Variants in PKD1 observed in about 807,000 individuals in gnomAD.
PKD1 encodes polycystin-1.
PKD1 carries 81 observed loss-of-function variants against 361.7 expected under a neutral mutation model. The observed-to-expected ratio is 0.22, with a 90% confidence interval of 0.19 to 0.27. The LOEUF is 0.27. PKD1 is among the 10% of genes least tolerant of loss of function. The probability of loss-of-function intolerance (pLI) is 1.00; values close to 1 mark genes in which losing one functional copy is unlikely to be tolerated. For missense variants in PKD1, 6,399 were observed against 6,118.3 expected (o/e 1.05, Z -1.53); for synonymous variants, 3,615 against 2,818.3 (o/e 1.28, Z -8.95).
intron 34 of PKD1, chr16:2,096,845 T>C (rs2091868193): frequency 2.1e-6 from 1 of 466,830 alleles, no homozygotes. Flanking sequence ...AACCCGCCCA[T>C]AATTTCTCAC....
At chr16:2,107,494 A>C (rs2151780888) in intron 16 of PKD1, 1 of 377,976 alleles carries the variant, frequency 2.6e-6, no homozygotes, top group East Asian at 6.4e-5. Context: ...AGCAGCCACC[A>C]CGGGCTCAGG....
chr16:2,096,219 G>T (rs954876804), intron 34 of PKD1, among the ~76,000 whole-genome samples: 1 of 152,240 alleles, frequency 6.6e-6, no homozygotes, highest in Non-Finnish European at 1.5e-5. Context: ...CCCAGACACC[G>T]CAGCCCCTGT....
rs1436533246 is a variant in PKD1 at position 2,098,002 on chromosome 16, T to C, written c.10051-18A>G. On this transcript the variant is annotated intron_variant, in intron 30 of 45. Coordinates refer to ENST00000262304, the MANE Select transcript of PKD1 (RefSeq NM_001009944.3). ...CCAGCCACCTGCAGGACGAGGGCAG[T>C]GGTCAGCGGGCGGCAGCTCAGACCT... 6.8e-7 allele frequency: 1 copy of C among 1,469,174 alleles called. No individual in the cohort carries two copies. Among genetic ancestry groups the C allele is most frequent in the East Asian group, 2.3e-5 (1 of 44,208 alleles). 91.0% of individuals were successfully genotyped at this position (1,469,174 alleles called of 1,614,324 possible).
At position 2,103,830 on chromosome 16, in the gene PKD1, A is replaced by C; in HGVS notation, c.8227T>G (p.Ser2743Ala). 20 of 1,606,456 alleles carry C rather than the reference A, an allele frequency of 1.2e-5. No individual in the cohort carries two copies. Among genetic ancestry groups the C allele is most frequent in the Non-Finnish European group, 1.7e-5 (20 of 1,178,214 alleles). The change falls in exon 23 of 46, where the codon TCA becomes GCA. Residue 2743 changes from serine (S) to alanine (A), a missense_variant. Physicochemically the swap from Ser to Ala is moderately conservative, Grantham distance 99. Transcript: ENST00000262304. ...APQPSELGAESPSRMVASQAY... is the reference protein window; with the variant it reads ...APQPSELGAEAPSRMVASQAY... ...TGGGACGCCACCATCCGAGATGGTG[A>C]CTCGGCTCCCAGCTCTGAGGGCTGT...
At position 2,115,396 on chromosome 16, in the gene PKD1, C is replaced by T. The variant is rs764724938; in HGVS notation, c.2079G>A (p.Gly693=). The T allele has an allele frequency of 6.4e-7, 1 of 1,557,170 alleles. No homozygotes were observed. Among genetic ancestry groups the T allele is most frequent in the Non-Finnish European group, 8.7e-7 (1 of 1,147,850 alleles). ...CACACACCGAGTACTGCGCGGGGGG[C>T]CCCGCGGGAACGGAGAAGAGGAACT... ...WREFLFSVPA[G]PPAQYSVTLH... The change falls in exon 10 of 46, where the codon GGG becomes GGA. Residue 693 remains glycine, a synonymous_variant. Coordinates refer to ENST00000262304, the MANE Select transcript of PKD1 (RefSeq NM_001009944.3).
chr16:2,107,618 G>A (rs1263492419), intron 16 of PKD1: 3 of 559,340 alleles, frequency 5.4e-6, no homozygotes, highest in East Asian at 3.1e-5. Context: ...GGGGTGGGAA[G>A]GGGCTCTTCC....
chr16:2,127,961 A>C (rs1379372597), intron 1 of PKD1, among the ~76,000 whole-genome samples: 1 of 3,542 alleles, frequency 2.8e-4, no homozygotes, highest in Non-Finnish European at 5.7e-4. Flanking sequence ...GCTGGCAGGG[A>C]GGGAGAGGTG....
At chr16:2,133,160 G>T (rs1363967186) in intron 1 of PKD1, 3 of 150,888 alleles carry the variant, frequency 2.0e-5, no homozygotes, top group Non-Finnish European at 4.4e-5. Context: ...CAGGCTCTGG[G>T]GTGGGGGGTC....
Position 2,108,779 on chromosome 16 carries a change from C to T in PKD1, c.6388G>A (p.Val2130Met). Residue 2130 changes from valine to methionine, a missense_variant, in exon 15 of 46, where the codon GTG becomes ATG. Val to Met is a conservative substitution (Grantham distance 21). Coordinates refer to ENST00000262304, the MANE Select transcript of PKD1 (RefSeq NM_001009944.3). Reference sequence around the variant, plus strand: ...GTGGCCTGCGCCACGAAGAAGCTCACCAGGTTGGAGGCGTTCACCTGCACG... The same window carrying T: ...GTGGCCTGCGCCACGAAGAAGCTCATCAGGTTGGAGGCGTTCACCTGCACG... ...YRVQVNASNL[V>M]SFFVAQATVT... The T allele has an allele frequency of 6.4e-7, 1 of 1,571,928 alleles. No individual in the cohort carries two copies. Among genetic ancestry groups the T allele is most frequent in the Non-Finnish European group, 8.6e-7 (1 of 1,159,832 alleles).
At position 2,091,107 on chromosome 16, in the gene PKD1, C is replaced by T. The variant is rs1489338153; in HGVS notation, c.11780G>A (p.Arg3927His). The T allele has an allele frequency of 2.0e-6, 3 of 1,494,214 alleles. No individual in the cohort carries two copies. The highest frequency in any genetic ancestry group is 2.5e-5 in the South Asian group (2 of 81,194). 92.6% of individuals were successfully genotyped at this position (1,494,214 alleles called of 1,614,324 possible). Residue 3927 changes from arginine (R) to histidine (H), a missense_variant, in exon 43 of 46, where the codon CGC (arginine) becomes CAC (histidine). Arg to His is a conservative substitution (Grantham distance 29). Transcript: ENST00000262304. The stretch of plus-strand genomic sequence containing the variant: ...GGCTCCGAGCCGCAGCACGCGCCAG[C>T]GCCCTTCCCTGTGCCAAGTACGGGC... Reference protein sequence around the residue: ...AEARTWHREGRWRVLRLGAWA... With the variant: ...AEARTWHREGHWRVLRLGAWA...
At position 2,103,354 on chromosome 16, in the gene PKD1, G is replaced by T. The variant is rs746440732; in HGVS notation, c.8703C>A (p.Pro2901=). The T allele has an allele frequency of 1.2e-6, 2 of 1,604,852 alleles. No individual in the cohort carries two copies. Among genetic ancestry groups the T allele is most frequent in the South Asian group, 1.1e-5 (1 of 90,988 alleles). ...ANSANSVVVQ[P]QASVGAVVTL... is the part of the protein sequence containing the mutation. ...TGACCACAGCACCGACGGAGGCCTGGGGCTGGACCACAACGGAGTTGGCGG... is the reference window on the plus strand; with the variant it reads ...TGACCACAGCACCGACGGAGGCCTGTGGCTGGACCACAACGGAGTTGGCGG... The change falls in exon 23 of 46, where the codon CCC becomes CCA. Residue 2901 remains proline, a synonymous_variant. Coordinates refer to ENST00000262304, the MANE Select transcript of PKD1 (RefSeq NM_001009944.3).
rs71385734 is a variant in PKD1 at position 2,110,502 on chromosome 16, T to A, written c.4665A>T (p.Ala1555=). ...KRRVRGLVVN[A]SRTVVPLNGS... Reference sequence around the variant, plus strand: ...CATTCAGGGGCACCACCGTGCGGCTTGCATTGACGACGAGCCCCCGCACGC... The same window carrying A: ...CATTCAGGGGCACCACCGTGCGGCTAGCATTGACGACGAGCCCCCGCACGC... Residue 1555 remains alanine (A), a synonymous_variant, in exon 15 of 46, where the codon GCA becomes GCT. Coordinates refer to ENST00000262304, the MANE Select transcript of PKD1 (RefSeq NM_001009944.3). The A allele has an allele frequency of 9.1e-5, 146 of 1,611,994 alleles. No homozygotes were observed. The highest frequency in any genetic ancestry group is 1.2e-4 in the Non-Finnish European group (139 of 1,179,802).
intron 30 of PKD1, among the ~76,000 whole-genome samples, chr16:2,098,419 A>C (rs867681366): frequency 1.2e-3 from 182 of 150,432 alleles, no homozygotes; most frequent in Middle Eastern, 3.4e-3. Flanking sequence ...TGTGTTGGCC[A>C]GGCTGGTCTT....
intron 1 of PKD1, among the ~76,000 whole-genome samples, chr16:2,132,579 A>G (rs1307184414): frequency 6.9e-6 from 1 of 145,352 alleles, no homozygotes; most frequent in Non-Finnish European, 1.5e-5. Flanking sequence ...CGTCTCAAAA[A>G]AAAAAAAAAA....
chr16:2,098,121 C>T (rs2091922541), intron 30 of PKD1, 137 bp from the exon 31 acceptor site: 4 of 634,898 alleles, frequency 6.3e-6, no homozygotes, highest in East Asian at 5.5e-5. Flanking sequence ...ATATATGGGA[C>T]ATCTGCACCG....
chr16:2,113,259 T>C lies in PKD1; in HGVS notation c.2887A>G (p.Met963Val), dbSNP rs2092566574. Reference sequence around the variant, plus strand: ...TCGTTGATGGTCCACCGGAAGACCATGTCCGAGCCGGCCTCCACCACGGGG... The same window carrying C: ...TCGTTGATGGTCCACCGGAAGACCACGTCCGAGCCGGCCTCCACCACGGGG... Reference protein sequence around the residue: ...YSPVVEAGSDMVFRWTINDKQ... With the variant: ...YSPVVEAGSDVVFRWTINDKQ... Residue 963 changes from methionine (M) to valine (V), a missense_variant, in exon 12 of 46, where the codon ATG becomes GTG. Coordinates refer to ENST00000262304, the MANE Select transcript of PKD1 (RefSeq NM_001009944.3). The C allele has an allele frequency of 3.8e-6, 6 of 1,576,644 alleles. No homozygotes were observed. In the East Asian group the frequency reaches 6.7e-5, roughly 18 times the overall value.
Position 2,089,805 on chromosome 16 carries a change from A to C in PKD1, c.12834T>G (p.Ser4278Arg), listed in dbSNP as rs1413242514. 6.3e-6 allele frequency: 10 copies of C among 1,599,370 alleles called. No homozygotes were observed. Among genetic ancestry groups the C allele is most frequent in the Non-Finnish European group, 7.7e-6 (9 of 1,173,906 alleles). Residue 4278 changes from serine to arginine, a missense_variant, in exon 46 of 46, where the codon AGT becomes AGG. Coordinates refer to ENST00000262304, the MANE Select transcript of PKD1 (RefSeq NM_001009944.3). ...GGCCAGTGGCCAGGTCCACACCCCG[A>C]CTGGCCCGGGCAAGGCGGCTGGGCA... ...PALPSRLARA[S>R]RGVDLATGPS...
Position 2,100,359 on chromosome 16 carries a change from G to A in PKD1, c.9568+37C>T, listed in dbSNP as rs778632648. Reference sequence around the variant, plus strand: ...AGGCTCGCAGGGCGCCCCAATGCGGGGGCAGAGGGGCAGAGCTTGGCAGGG... The same window carrying A: ...AGGCTCGCAGGGCGCCCCAATGCGGAGGCAGAGGGGCAGAGCTTGGCAGGG... On this transcript the variant is annotated intron_variant, in intron 27 of 45. Coordinates refer to ENST00000262304, the MANE Select transcript of PKD1 (RefSeq NM_001009944.3). The surrounding 1 kb of genome is among the most constrained non-coding windows in gnomAD (Gnocchi z 4.4). 1.4e-5 allele frequency: 22 copies of A among 1,610,194 alleles called. No homozygotes were observed. In the South Asian group the frequency reaches 2.0e-4, roughly 14 times the overall value.
At position 2,102,636 on chromosome 16, in the gene PKD1, G is replaced by A; in HGVS notation, c.8949-3C>T. The A allele has an allele frequency of 1.2e-6, 2 of 1,610,940 alleles. No homozygotes were observed. Among genetic ancestry groups the A allele is most frequent in the African/African-American group, 1.3e-5 (1 of 75,000 alleles). On this transcript the variant is annotated splice_region_variant and splice_polypyrimidine_tract_variant and intron_variant, in intron 24 of 45. Transcript: ENST00000262304. ...AACTCCCCGCTGGGTCTCTGCTCCT[G>A]GGCAGGGAAGGGGTAGCGGACGTGA...
Sources: gnomAD v4.1 joint callset for allele counts (sites outside exome capture counted in the v4.1 genomes callset) on GRCh38, gnomAD v4.1.1 for gene constraint, Gnocchi (gnomAD v3.1) non-coding constraint, MANE v1.5 for transcripts, NCBI Gene and HGNC (gene_info 2026-07-23, HGNC 2026-07-21) for gene names.